PSME4: variants seen among roughly 807,000 people sequenced by gnomAD.
The protein encoded by PSME4 is proteasome activator complex subunit 4.
In PSME4, 89 loss-of-function variants were observed where a neutral mutation model predicts 253.9. That is an observed-to-expected ratio of 0.35 (90% CI 0.30 to 0.42). The LOEUF (loss-of-function observed/expected upper bound fraction) is 0.42. Among genes scored for constraint, PSME4 ranks in the 10% least tolerant of loss-of-function variants. PSME4 has a pLI of 1.00. For missense variants in PSME4, 2,014 were observed against 2,195.2 expected (o/e 0.92, Z 1.65); for synonymous variants, 851 against 759.2 (o/e 1.12, Z -1.99).
At chr2:53,919,043 G>C in intron 20 of PSME4, 108 bp downstream of exon 20, 6 of 1,103,432 alleles carry the variant, frequency 5.4e-6, no homozygotes, top group Non-Finnish European at 7.8e-6. Flanking sequence ...CAAATAAAAA[G>C]GTTAAAGTGA....
In PSME4 at chr2:53,949,261, T is replaced by C; in HGVS notation, c.265A>G (p.Lys89Glu). The C allele has an allele frequency of 6.2e-7, 1 of 1,603,280 alleles. No homozygotes were observed. The highest frequency in any genetic ancestry group is 8.5e-7 in the Non-Finnish European group (1 of 1,174,896). Residue 89 changes from lysine to glutamate, a missense_variant, in exon 2 of 47, where the codon AAA becomes GAA. This residue lies in a region of PSME4 where 615 missense variants were observed against 594.4 expected (regional missense o/e 1.03). Coordinates refer to ENST00000404125, the MANE Select transcript of PSME4 (RefSeq NM_014614.3). ...AGAACATGATCTTCTTTGCTAAATT[T>C]TCTCCCATAAAGTCGAATATATCTG... is the stretch of plus-strand genomic sequence containing the variant. ...LSTYIRLYGR[K>E]FSKEDHVLFI...
intron 37 of PSME4, among the ~76,000 whole-genome samples, chr2:53,889,392 A>G (rs1679794272): frequency 6.6e-6 from 1 of 152,138 alleles, no homozygotes. Context: ...TGCTATGTAA[A>G]TAGCTGTTAT....
chr2:53,870,927 T>C (rs986734380), intron 43 of PSME4: 2 of 151,964 alleles, frequency 1.3e-5, no homozygotes, highest in African/African-American at 4.8e-5. Flanking sequence ...TAAGCCTCTG[T>C]GCCCGGCCTG....
At chr2:53,872,107 G>A (rs550925632) in intron 43 of PSME4, among the ~76,000 whole-genome samples, 119 of 152,228 alleles carry the variant, frequency 7.8e-4, no homozygotes, top group Non-Finnish European at 1.2e-3. Context: ...ACTTCAAATT[G>A]CTAACAAATG....
chr2:53,870,297 T>C (rs1276622176), intron 43 of PSME4: 1 of 152,176 alleles, frequency 6.6e-6, no homozygotes, highest in Non-Finnish European at 1.5e-5. Context: ...CACTAGCATA[T>C]GAAATACATC....
chr2:53,900,330 G>A (rs545994685), intron 28 of PSME4, among the ~76,000 whole-genome samples: 63 of 151,916 alleles, frequency 4.1e-4, no homozygotes, highest in Admixed American at 9.8e-4. Flanking sequence ...AGGTCAAGGT[G>A]AGGGGACTGC....
At chr2:53,948,752 G>C (rs1487932939) in intron 2 of PSME4, among the ~76,000 whole-genome samples, 1 of 152,184 alleles carries the variant, frequency 6.6e-6, no homozygotes, top group African/African-American at 2.4e-5. Context: ...GCAGATAAAA[G>C]AGGGCATTTA....
At chr2:53,890,031 C>T in intron 37 of PSME4, 73 bp downstream of exon 37, 2 of 1,153,996 alleles carry the variant, frequency 1.7e-6, no homozygotes, top group Non-Finnish European at 2.5e-6. Flanking sequence ...TATGAGATTT[C>T]ACACACTTTG....
At chr2:53,935,880 G>A (rs1308261652) in intron 7 of PSME4, among the ~76,000 whole-genome samples, 2 of 151,432 alleles carry the variant, frequency 1.3e-5, no homozygotes, top group African/African-American at 2.4e-5. Flanking sequence ...TGGTGCTATC[G>A]TATTTATGTT....
chr2:53,956,207 A>T (rs1182693426), intron 1 of PSME4, among the ~76,000 whole-genome samples: 1 of 152,188 alleles, frequency 6.6e-6, no homozygotes, highest in East Asian at 1.9e-4. Context: ...TGTGTTTTTC[A>T]AAACACATTT....
At chr2:53,893,539 A>G in intron 35 of PSME4, 135 bp downstream of exon 35, 2 of 1,494,460 alleles carry the variant, frequency 1.3e-6, no homozygotes, top group South Asian at 2.5e-5. Flanking sequence ...AAGTCTGTAC[A>G]TGTTCAGTGT....
At chr2:53,944,951 G>T (rs1294072074) in intron 3 of PSME4, among the ~76,000 whole-genome samples, 2 of 151,900 alleles carry the variant, frequency 1.3e-5, no homozygotes, top group African/African-American at 4.8e-5. Context: ...GATACCCTTA[G>T]AACAATACAT....
intron 1 of PSME4, among the ~76,000 whole-genome samples, chr2:53,952,182 T>A (rs1465763669): frequency 6.6e-6 from 1 of 152,130 alleles, no homozygotes; most frequent in Non-Finnish European, 1.5e-5. Flanking sequence ...ATGCCTGTAA[T>A]CCCAGCACTT....
At chr2:53,934,529 C>T in intron 8 of PSME4, 76 bp downstream of exon 8, 7 of 1,449,164 alleles carry the variant, frequency 4.8e-6, no homozygotes, top group East Asian at 2.3e-5. Context: ...TCAACTTCTG[C>T]GACTATCCAC....
intron 1 of PSME4, among the ~76,000 whole-genome samples, chr2:53,960,681 C>A (rs542986399): frequency 2.6e-5 from 4 of 152,314 alleles, no homozygotes; most frequent in Admixed American, 2.0e-4. Context: ...TGGCTTTCTT[C>A]ACAAGGCTAT....
chr2:53,901,326 G>A (rs375245249), intron 28 of PSME4, 24 bp downstream of exon 28: 7 of 1,571,312 alleles, frequency 4.5e-6, no homozygotes, highest in African/African-American at 1.4e-5. Context: ...ACTAAAACTT[G>A]AATGAAAGAA....
At position 53,869,463 on chromosome 2, in the gene PSME4, T is replaced by C. The variant is rs1184901365; in HGVS notation, c.5176A>G (p.Ile1726Val). 6.2e-7 allele frequency: 1 copy of C among 1,610,912 alleles called. No homozygotes were observed. Among genetic ancestry groups the C allele is most frequent in the Admixed American group, 1.7e-5 (1 of 60,026 alleles). Residue 1726 changes from isoleucine to valine, a missense_variant, in exon 44 of 47, where the codon ATT becomes GTT. Physicochemically the swap from Ile to Val is conservative, Grantham distance 29. Around this residue, in one of 4 missense-constraint regions of PSME4, gnomAD observed 403 missense variants for 556.1 expected, o/e 0.72. Coordinates refer to ENST00000404125, the MANE Select transcript of PSME4 (RefSeq NM_014614.3). ...NFLTMDSPMQIHFEQLCKTKL... is the reference protein window; with the variant it reads ...NFLTMDSPMQVHFEQLCKTKL... ...GTTTTGCAAAGTTGCTCAAAATGAATCTGCATAGGACTGTCCATGGTAAGA... is the reference window on the plus strand; with the variant it reads ...GTTTTGCAAAGTTGCTCAAAATGAACCTGCATAGGACTGTCCATGGTAAGA...
At chr2:53,923,197 G>T in intron 15 of PSME4, 79 bp from the exon 16 acceptor site, 1 of 1,476,712 alleles carries the variant, frequency 6.8e-7, no homozygotes, top group Non-Finnish European at 9.2e-7. Flanking sequence ...GCAGTAAAAG[G>T]CTGTAAATAA....
In PSME4 at chr2:53,887,983, A is replaced by C; in HGVS notation, c.4395T>G (p.Leu1465=). The C allele has an allele frequency of 6.2e-7, 1 of 1,609,614 alleles. No individual in the cohort carries two copies. Among genetic ancestry groups the C allele is most frequent in the Non-Finnish European group, 8.5e-7 (1 of 1,178,372 alleles). ...GGGCAAGGCCACCTTGTAGTACATAAAGTCGACTAAAATTAAAGCATCGTA... is the reference window on the plus strand; with the variant it reads ...GGGCAAGGCCACCTTGTAGTACATACAGTCGACTAAAATTAAAGCATCGTA... The part of the protein sequence containing the change: ...EGGSFVDACR[L]YVLQGGLAQQ... The change falls in exon 39 of 47, where the codon CTT becomes CTG. Residue 1465 remains leucine, a synonymous_variant. Coordinates refer to ENST00000404125, the MANE Select transcript of PSME4 (RefSeq NM_014614.3).
Sources: allele counts gnomAD v4.1 joint callset (sites outside exome capture counted in the v4.1 genomes callset), GRCh38; gene constraint gnomAD v4.1.1; regional missense constraint gnomAD v4.1.1; transcripts MANE v1.5; gene names NCBI Gene and HGNC (gene_info 2026-07-23, HGNC 2026-07-21).